Variants in SORCS3 observed in about 807,000 individuals in gnomAD.
SORCS3 encodes the protein VPS10 domain-containing receptor SorCS3.
In SORCS3, 57 loss-of-function variants were observed where a neutral mutation model predicts 146.3. The observed-to-expected ratio is 0.39, with a 90% CI of 0.31 to 0.49. The LOEUF is 0.49. SORCS3 is among the 20% of genes least tolerant of loss of function. The pLI is 0.92. For missense variants in SORCS3, 1,341 were observed against 1,575.5 expected (o/e 0.85, Z 2.52); for synonymous variants, 653 against 618.5 (o/e 1.06, Z -0.83).
intron 4 of SORCS3, among the ~76,000 whole-genome samples, chr10:105,030,246 G>T (rs1329975803): frequency 6.6e-6 from 1 of 152,190 alleles, no homozygotes; most frequent in African/African-American, 2.4e-5. Flanking sequence ...GTCTCAGCGA[G>T]ATTCACTTCT....
chr10:105,106,432 G>A (rs2055822335), intron 7 of SORCS3, among the ~76,000 whole-genome samples: 1 of 152,124 alleles, frequency 6.6e-6, no homozygotes, highest in South Asian at 2.1e-4. Context: ...CTGAACCCTT[G>A]CAACTTTATG....
intron 1 of SORCS3, among the ~76,000 whole-genome samples, chr10:104,745,673 C>T (rs1031018303): frequency 5.9e-5 from 9 of 152,190 alleles, no homozygotes; most frequent in Non-Finnish European, 1.3e-4. Context: ...CGCTGTCCAT[C>T]TCTAGGATTT....
At chr10:105,184,643 A>G (rs2056464069) in intron 14 of SORCS3, among the ~76,000 whole-genome samples, 1 of 152,222 alleles carries the variant, frequency 6.6e-6, no homozygotes, top group Admixed American at 6.5e-5. Context: ...TTTCTTTAAA[A>G]AAGTTTTATT....
intron 1 of SORCS3, among the ~76,000 whole-genome samples, chr10:104,740,113 T>G (rs1378113586): frequency 6.6e-6 from 1 of 152,186 alleles, no homozygotes; most frequent in East Asian, 1.9e-4. Context: ...AGGTATGCAT[T>G]TACAATTTTG....
At chr10:104,903,152 C>A (rs1361449629) in intron 2 of SORCS3, among the ~76,000 whole-genome samples, 2 of 152,084 alleles carry the variant, frequency 1.3e-5, no homozygotes, top group Non-Finnish European at 2.9e-5. Flanking sequence ...AGTCTGTTTC[C>A]TCATTTTTAT....
chr10:104,932,691 CT>C (rs1303553594), intron 3 of SORCS3, among the ~76,000 whole-genome samples: 6 of 152,096 alleles, frequency 3.9e-5, no homozygotes, highest in Admixed American at 3.3e-4. Context: ...TTCATTTTAA[CT>C]TTTAATTTTT....
rs182130242 is a variant in SORCS3, at chr10:104,953,758, C to T, written c.796-23577C>T. Among the ~76,000 whole-genome samples the T allele has an allele frequency of 7.2e-5, 11 of 152,302 alleles. No homozygotes were observed. In the East Asian group the frequency reaches 2.1e-3, roughly 29 times the overall value. ...TGCATTTAGACGTATCTATTAACAT[C>T]TACAATGTACCAGACATTGTGCTGG... On this transcript the variant is annotated intron_variant, in intron 3 of 26. Coordinates refer to ENST00000369701, the MANE Select transcript of SORCS3 (RefSeq NM_014978.3).
intron 1 of SORCS3, among the ~76,000 whole-genome samples, chr10:104,650,834 G>A (rs1158034089): frequency 6.6e-6 from 1 of 152,202 alleles, no homozygotes; most frequent in African/African-American, 2.4e-5. Flanking sequence ...CAGGTCCCAC[G>A]TGCCTGACAT....
intron 2 of SORCS3, among the ~76,000 whole-genome samples, chr10:104,846,007 A>G (rs1564696904): frequency 1.3e-5 from 2 of 152,282 alleles, no homozygotes; most frequent in East Asian, 1.9e-4. Flanking sequence ...GCGAATTTAC[A>G]GATCACAGAT....
chr10:104,896,029 T>C (rs1251717026), intron 2 of SORCS3, among the ~76,000 whole-genome samples: 4 of 152,242 alleles, frequency 2.6e-5, no homozygotes, highest in Non-Finnish European at 5.9e-5. Flanking sequence ...TATATAAATA[T>C]TTTTCTTCCA....
intron 1 of SORCS3, among the ~76,000 whole-genome samples, chr10:104,752,374 C>T (rs2016998966): frequency 6.6e-6 from 1 of 152,088 alleles, no homozygotes; most frequent in Non-Finnish European, 1.5e-5. Flanking sequence ...AGAGAGAGAT[C>T]ATTTTGGAGC....
At chr10:105,139,639 G>A (rs914962047) in intron 8 of SORCS3, among the ~76,000 whole-genome samples, 153 bp downstream of exon 8, 3 of 152,118 alleles carry the variant, frequency 2.0e-5, no homozygotes, top group Admixed American at 6.5e-5. Context: ...CTCCCTTAGT[G>A]GTGCACAACC....
At chr10:105,190,274 G>C (rs956913531) in intron 14 of SORCS3, among the ~76,000 whole-genome samples, 1 of 152,216 alleles carries the variant, frequency 6.6e-6, no homozygotes, top group Non-Finnish European at 1.5e-5. Flanking sequence ...TGTCAGATGA[G>C]TTATTTAACT....
intron 1 of SORCS3, among the ~76,000 whole-genome samples, chr10:104,793,861 G>A (rs761906164): frequency 9.9e-5 from 15 of 152,184 alleles, no homozygotes; most frequent in Admixed American, 3.3e-4. Flanking sequence ...GGTGGAAATT[G>A]TGGATCTACT....
Position 105,167,271 on chromosome 10 carries a change from A to G in SORCS3, c.1823A>G (p.Glu608Gly), listed in dbSNP as rs1389638667. ...GNTWRQIFDE[E>G]YNVWFLDWGG... ...TTGTTGTTCCAGATCTTTGATGAAG[A>G]GTACAATGTCTGGTTCCTAGACTGG... The change falls in exon 13 of 27, where the codon GAG becomes GGG. Residue 608 changes from glutamate (E) to glycine (G), a missense_variant. By Grantham distance (98) the Glu-to-Gly change is moderately conservative. Transcript: ENST00000369701. 6.2e-7 allele frequency: 1 copy of G among 1,612,654 alleles called. No homozygotes were observed. Among genetic ancestry groups the G allele is most frequent in the South Asian group, 1.1e-5 (1 of 90,990 alleles).
intron 4 of SORCS3, among the ~76,000 whole-genome samples, chr10:105,037,159 G>C (rs975643109): frequency 2.0e-5 from 3 of 152,118 alleles, no homozygotes; most frequent in Admixed American, 1.3e-4. Context: ...AAAATGCACA[G>C]TACAAAGAAA....
intron 7 of SORCS3, among the ~76,000 whole-genome samples, chr10:105,124,660 T>C (rs1263038949): frequency 1.3e-5 from 2 of 152,190 alleles, no homozygotes; most frequent in Non-Finnish European, 2.9e-5. Context: ...GATTCTTTAA[T>C]CTCCATGCTT....
chr10:104,886,555 C>CATCTATCTATCCATCTATCT lies in SORCS3; in HGVS notation c.696-29267_696-29266insCATCTATCTATCTATCTATC, dbSNP rs1554857174. Among the ~76,000 whole-genome samples, 81 of 127,034 alleles carry CATCTATCTATCCATCTATCT rather than the reference C, an allele frequency of 6.4e-4. 1 individual carries two copies. Among genetic ancestry groups the CATCTATCTATCCATCTATCT allele is most frequent in the African/African-American group, 1.3e-3 (35 of 27,596 alleles). 83.3% of individuals were successfully genotyped at this position (127,034 alleles called of 152,430 possible). ...TTGTGTATATAATATATAACTCTAT[C>CATCTATCTATCCATCTATCT]ATCTATCTATCTATCTATCTATCTA... On this transcript the variant is annotated intron_variant, in intron 2 of 26. Coordinates refer to ENST00000369701, the MANE Select transcript of SORCS3 (RefSeq NM_014978.3).
intron 1 of SORCS3, among the ~76,000 whole-genome samples, chr10:104,786,358 C>T (rs78456459): frequency 0.02 from 3,093 of 151,414 alleles, 107 homozygotes; most frequent in African/African-American, 0.072. Context: ...TCGAGACCAA[C>T]CTGGCTGACA....
Sources: gnomAD v4.1 joint callset for allele counts (sites outside exome capture counted in the v4.1 genomes callset) on GRCh38, gnomAD v4.1.1 for gene constraint, MANE v1.5 for transcripts, NCBI Gene and HGNC (gene_info 2026-07-23, HGNC 2026-07-21) for gene names.